MRTFB: variants seen among roughly 807,000 people sequenced by gnomAD.
MRTFB encodes myocardin-related transcription factor B.
Under a neutral mutation model 104.2 loss-of-function variants are expected in MRTFB, and 29 were observed. The ratio of observed to expected loss-of-function variants is 0.28; its 90% CI spans 0.21 to 0.38. The LOEUF is 0.38. Ranked by LOEUF, MRTFB falls within the 10% of genes least tolerant of loss-of-function variation. The probability of loss-of-function intolerance (pLI) is 1.00; values close to 1 mark genes in which losing one functional copy is unlikely to be tolerated. For synonymous variants in MRTFB, 535 were observed against 519.5 expected, an observed-to-expected ratio of 1.03 and a Z score of -0.41; for missense variants, 1,270 against 1,341.6, an observed-to-expected ratio of 0.95 and a Z score of 0.83.
At chr16:14,063,384 G>T in the MRTFB span, among the ~76,000 whole-genome samples, 370 of 152,188 alleles carry the variant, frequency 2.4e-3, 1 homozygote, top group African/African-American at 8.5e-3. Context: ...AGTTTCAGGG[G>T]CACATGTGCA....
chr16:14,141,877 C>T (rs1199798229), intron 3 of MRTFB: 1 of 147,848 alleles, frequency 6.8e-6, no homozygotes, highest in Non-Finnish European at 1.5e-5. Context: ...CTCACTCTGT[C>T]GCCCAGGCTT....
chr16:14,261,471 G>A lies in MRTFB; in HGVS notation c.*27G>A. 1 of 1,559,954 alleles carries A rather than the reference G, an allele frequency of 6.4e-7. No individual in the cohort carries two copies. The highest frequency in any genetic ancestry group is 1.2e-5 in the South Asian group (1 of 82,396). On this transcript the variant is annotated 3_prime_UTR_variant, in exon 17 of 17. Coordinates refer to ENST00000571589, the MANE Select transcript of MRTFB (RefSeq NM_001308142.2). The stretch of plus-strand genomic sequence containing the variant: ...GTCACAGATTTCTTTTCTGAGAGTT[G>A]ATGAGGTTTAAGAACATGAAGATTC...
intron 2 of MRTFB, among the ~76,000 whole-genome samples, chr16:14,085,579 C>T (rs899161196): frequency 2.0e-5 from 3 of 151,524 alleles, no homozygotes; most frequent in Non-Finnish European, 4.4e-5. Context: ...CATATACCAC[C>T]AAGACCAGGG....
chr16:14,205,312 G>A (rs1336705016), intron 3 of MRTFB, among the ~76,000 whole-genome samples: 1 of 152,018 alleles, frequency 6.6e-6, no homozygotes, highest in Non-Finnish European at 1.5e-5. Flanking sequence ...AGGAAAGATG[G>A]GATACATACA....
chr16:14,017,936 G>C, the MRTFB span, among the ~76,000 whole-genome samples: 5 of 150,816 alleles, frequency 3.3e-5, no homozygotes, highest in Non-Finnish European at 1.5e-5. Context: ...TGCCCAGATT[G>C]GTCTTGAACT....
At chr16:14,062,296 C>T in the MRTFB span, among the ~76,000 whole-genome samples, 8,496 of 151,932 alleles carry the variant, frequency 0.056, 467 homozygotes, top group East Asian at 0.29. Flanking sequence ...ATGAGGGTCT[C>T]GCTATGTTGC....
intron 3 of MRTFB, among the ~76,000 whole-genome samples, chr16:14,161,337 C>A (rs953681514): frequency 6.6e-6 from 1 of 151,920 alleles, no homozygotes; most frequent in Non-Finnish European, 1.5e-5. Context: ...TATTCAGTCA[C>A]CTGATTCATT....
chr16:14,041,366 G>T, the MRTFB span, among the ~76,000 whole-genome samples: 4 of 152,098 alleles, frequency 2.6e-5, no homozygotes, highest in Non-Finnish European at 5.9e-5. Flanking sequence ...CTAGCCCCCG[G>T]CAACCGCAAT....
chr16:14,005,387 C>T, the MRTFB span, among the ~76,000 whole-genome samples: 9 of 152,142 alleles, frequency 5.9e-5, no homozygotes, highest in Non-Finnish European at 1.2e-4. Flanking sequence ...GTACAACCTG[C>T]ATCACCCAGA....
intron 3 of MRTFB, chr16:14,200,383 C>A: frequency 6.2e-7 from 1 of 1,607,750 alleles, no homozygotes; most frequent in Non-Finnish European, 8.5e-7. Flanking sequence ...GTAATGATGA[C>A]ACTAAAGATG....
At chr16:14,052,625 G>A in the MRTFB span, among the ~76,000 whole-genome samples, 1 of 151,814 alleles carries the variant, frequency 6.6e-6, no homozygotes, top group African/African-American at 2.4e-5. Flanking sequence ...TGTAATCCCA[G>A]CTATTCGGCA....
At chr16:14,139,427 G>T (rs568237226) in intron 2 of MRTFB, among the ~76,000 whole-genome samples, 1 of 152,284 alleles carries the variant, frequency 6.6e-6, no homozygotes, top group African/African-American at 2.4e-5. Context: ...CGAGGATGTG[G>T]AACAACTGGA....
rs1262212663 is a variant in MRTFB, at chr16:14,075,560, TC to T, written c.-128-3729del. On this transcript the variant is annotated intron_variant, in intron 1 of 16. Coordinates refer to ENST00000571589, the MANE Select transcript of MRTFB (RefSeq NM_001308142.2). ...CAGGGTCTCTCTCTGATTCAGTAGG[TC>T]TGGGCTGGGCCCATAGAATTTACAT... is the stretch of plus-strand genomic sequence containing the variant. Among the ~76,000 whole-genome samples the T allele has an allele frequency of 2.0e-5, 3 of 152,252 alleles. No homozygotes were observed. The East Asian group carries it at 5.8e-4, about 29-fold the overall frequency.
chr16:14,170,126 C>A (rs934169012), intron 3 of MRTFB: 1 of 152,098 alleles, frequency 6.6e-6, no homozygotes, highest in African/African-American at 2.4e-5. Context: ...TCCTTTTCTC[C>A]TGTCACCCTT....
At chr16:14,090,761 C>T (rs935155502) in intron 2 of MRTFB, among the ~76,000 whole-genome samples, 1 of 152,118 alleles carries the variant, frequency 6.6e-6, no homozygotes, top group African/African-American at 2.4e-5. Context: ...TCACAACAGC[C>T]TATCTAGGAT....
chr16:14,202,388 A>C (rs1304825568), intron 3 of MRTFB, among the ~76,000 whole-genome samples: 1 of 152,196 alleles, frequency 6.6e-6, no homozygotes, highest in African/African-American at 2.4e-5. Flanking sequence ...TTTAACAAAT[A>C]AAAGAAAAAT....
At chr16:14,101,493 CCTT>C (rs757084854) in intron 2 of MRTFB, among the ~76,000 whole-genome samples, 1 of 152,172 alleles carries the variant, frequency 6.6e-6, no homozygotes, top group Non-Finnish European at 1.5e-5. Context: ...CTACACATCT[CCTT>C]CTTGGTTGCT....
intron 9 of MRTFB, among the ~76,000 whole-genome samples, chr16:14,239,068 G>A (rs575934298): frequency 2.0e-5 from 3 of 152,266 alleles, no homozygotes; most frequent in East Asian, 3.9e-4. Context: ...AGTAAGAGCT[G>A]GCTCCAGCAC....
At chr16:14,179,901 C>T (rs1370272673) in intron 3 of MRTFB, among the ~76,000 whole-genome samples, 3 of 152,136 alleles carry the variant, frequency 2.0e-5, no homozygotes, top group South Asian at 2.1e-4. Flanking sequence ...AACGGCAGCA[C>T]GACACCGGTG....
Sources: gnomAD v4.1 joint callset for allele counts (sites outside exome capture counted in the v4.1 genomes callset) on GRCh38, gnomAD v4.1.1 for gene constraint, MANE v1.5 for transcripts, NCBI Gene and HGNC (gene_info 2026-07-23, HGNC 2026-07-21) for gene names.